Variants in SPATA6 observed in about 807,000 individuals in gnomAD.
SPATA6 encodes spermatogenesis associated 6, also known as spermatogenesis-associated protein 6.
A neutral mutation model predicts 65.3 loss-of-function variants in SPATA6; 56 were observed. That is an observed-to-expected ratio of 0.86 (90% CI 0.69 to 1.07). SPATA6 has a LOEUF of 1.07. Among genes scored for constraint, SPATA6 ranks in the 50% least tolerant of loss-of-function variants. SPATA6 has a pLI of 0.00. For synonymous variants in SPATA6, 199 were observed against 213.2 expected, an observed-to-expected ratio of 0.93 and a Z score of 0.58; for missense variants, 590 against 594.8, an observed-to-expected ratio of 0.99 and a Z score of 0.08.
At chr1:48,421,017 T>C (rs143862510) in intron 3 of SPATA6, among the ~76,000 whole-genome samples, 1 of 152,030 alleles carries the variant, frequency 6.6e-6, no homozygotes, top group African/African-American at 2.4e-5. Context: ...GAGAGCAGGA[T>C]AGTAATAACC....
chr1:48,467,890 G>A (rs1031591939), intron 1 of SPATA6, among the ~76,000 whole-genome samples: 1 of 152,108 alleles, frequency 6.6e-6, no homozygotes, highest in Non-Finnish European at 1.5e-5. Flanking sequence ...TCAAAAAATT[G>A]TAAGTGTTGG....
At chr1:48,301,284 T>C (rs180711483) in intron 12 of SPATA6, among the ~76,000 whole-genome samples, 49 of 146,124 alleles carry the variant, frequency 3.4e-4, no homozygotes, top group Non-Finnish European at 6.4e-4. Context: ...CCATTTCCAA[T>C]ACTAAAAGAA....
At chr1:48,413,172 T>A in intron 3 of SPATA6, 21 bp from the exon 4 acceptor site, 2 of 1,392,384 alleles carry the variant, frequency 1.4e-6, no homozygotes, top group Non-Finnish European at 1.9e-6. Context: ...AAAGAAAAAT[T>A]TCCTTAAATA....
chr1:48,438,535 G>A (rs1323895073), intron 3 of SPATA6, among the ~76,000 whole-genome samples: 1 of 152,076 alleles, frequency 6.6e-6, no homozygotes, highest in Non-Finnish European at 1.5e-5. Flanking sequence ...CTGAGCCGAC[G>A]GTCAACAGAG....
chr1:48,359,449 TA>T, intron 10 of SPATA6, 136 bp downstream of exon 10: 2 of 986,668 alleles, frequency 2.0e-6, no homozygotes, highest in Middle Eastern at 3.3e-4. Flanking sequence ...TAATATATTC[TA>T]AACAAAAACA....
intron 3 of SPATA6, among the ~76,000 whole-genome samples, chr1:48,435,535 A>T (rs1182738943): frequency 6.6e-6 from 1 of 151,970 alleles, no homozygotes; most frequent in Non-Finnish European, 1.5e-5. Flanking sequence ...AAAGCATTGT[A>T]AACACACCAA....
intron 8 of SPATA6, among the ~76,000 whole-genome samples, chr1:48,391,502 C>T (rs1027508283): frequency 9.9e-5 from 15 of 152,244 alleles, no homozygotes; most frequent in Non-Finnish European, 2.2e-4. Context: ...CGTATGGCTT[C>T]TGCATTCCAC....
intron 3 of SPATA6, among the ~76,000 whole-genome samples, chr1:48,431,226 G>A (rs1654373029): frequency 1.3e-5 from 2 of 151,912 alleles, no homozygotes; most frequent in Admixed American, 1.3e-4. Flanking sequence ...TGTAACAATT[G>A]TAAACATTTA....
rs1222164866 is a variant in SPATA6 at position 48,305,867 on chromosome 1, G to A, written c.1206C>T (p.Asp402=). 1 of 1,611,012 alleles carries A rather than the reference G, an allele frequency of 6.2e-7. No homozygotes were observed. The highest frequency in any genetic ancestry group is 1.3e-5 in the African/African-American group (1 of 74,678). ...GTTCCAGTTCATCATCTTTCTCTAG[G>A]TCTCTCTCATCCTGAAAAATTTTAA... is the stretch of plus-strand genomic sequence containing the variant. The part of the protein sequence containing the change: ...AHQRHLYDER[D]LEKDDELELK... The change falls in exon 12 of 13, where the codon GAC becomes GAT. Residue 402 remains aspartate (D), a synonymous_variant. Coordinates refer to ENST00000371847, the MANE Select transcript of SPATA6 (RefSeq NM_019073.4).
intron 9 of SPATA6, among the ~76,000 whole-genome samples, chr1:48,364,296 T>G (rs143768460): frequency 0.012 from 1,863 of 152,352 alleles, 46 homozygotes; most frequent in African/African-American, 0.043. Flanking sequence ...GCATGATTTA[T>G]ATTCCTTTGG....
chr1:48,462,291 A>G (rs1371395853), intron 1 of SPATA6, among the ~76,000 whole-genome samples: 2 of 152,120 alleles, frequency 1.3e-5, no homozygotes, highest in African/African-American at 2.4e-5. Context: ...ACATGTATAC[A>G]TATGTAACAA....
At chr1:48,388,811 C>T (rs538559226) in intron 8 of SPATA6, among the ~76,000 whole-genome samples, 18 of 152,100 alleles carry the variant, frequency 1.2e-4, no homozygotes, top group Admixed American at 3.9e-4. Flanking sequence ...TGGGTTCAAG[C>T]GCTTCTCCTG....
intron 3 of SPATA6, among the ~76,000 whole-genome samples, chr1:48,420,698 A>G (rs766157825): frequency 1.1e-4 from 16 of 152,190 alleles, no homozygotes; most frequent in Non-Finnish European, 8.8e-5. Context: ...CTAACCTAGT[A>G]TAAGAGCCAG....
At chr1:48,351,384 T>G (rs148970637) in intron 11 of SPATA6, among the ~76,000 whole-genome samples, 157 of 152,092 alleles carry the variant, frequency 1.0e-3, no homozygotes, top group African/African-American at 3.7e-3. Context: ...AAAACAATGC[T>G]TTGTTTCCGA....
chr1:48,277,321 G>C, the SPATA6 span, among the ~76,000 whole-genome samples: 2 of 152,296 alleles, frequency 1.3e-5, no homozygotes, highest in Non-Finnish European at 2.9e-5. Context: ...GTGCCAGACA[G>C]TGGGTGCAGG....
At chr1:48,314,900 G>A (rs1271221011) in intron 11 of SPATA6, among the ~76,000 whole-genome samples, 7 of 152,136 alleles carry the variant, frequency 4.6e-5, no homozygotes, top group Non-Finnish European at 1.5e-5. Context: ...TACCATCAGA[G>A]AATACTATAA....
intron 1 of SPATA6, among the ~76,000 whole-genome samples, chr1:48,469,810 G>T (rs959880933): frequency 3.6e-5 from 5 of 138,380 alleles, no homozygotes; most frequent in South Asian, 2.3e-4. Context: ...TTTTTTTTGT[G>T]GGGGGGGCGG....
At chr1:48,469,592 T>A (rs1277007101) in intron 1 of SPATA6, among the ~76,000 whole-genome samples, 1 of 151,930 alleles carries the variant, frequency 6.6e-6, no homozygotes. Context: ...GGAAATAGTT[T>A]TGAGCCTGGA....
chr1:48,413,254 G>A (rs1570492945), intron 3 of SPATA6, 103 bp from the exon 4 acceptor site: 2 of 397,784 alleles, frequency 5.0e-6, no homozygotes, highest in Non-Finnish European at 8.8e-6. Flanking sequence ...TCACTAGGTA[G>A]ACTACATATA....
Sources: allele counts gnomAD v4.1 joint callset (sites outside exome capture counted in the v4.1 genomes callset), GRCh38; gene constraint gnomAD v4.1.1; transcripts MANE v1.5; gene names NCBI Gene and HGNC (gene_info 2026-07-23, HGNC 2026-07-21).